The following R3HDM2 variants were observed in gnomAD, a reference collection of about 807,000 sequenced individuals.
R3HDM2 encodes R3H domain containing 2, also known as R3H domain-containing protein 2.
A neutral mutation model predicts 124.5 loss-of-function variants in R3HDM2; 38 were observed. The observed-to-expected ratio is 0.31, with a 90% CI of 0.24 to 0.40. The LOEUF (loss-of-function observed/expected upper bound fraction) is 0.40. Ranked by LOEUF, R3HDM2 falls within the 10% of genes least tolerant of loss-of-function variation. The pLI is 1.00. For missense variants in R3HDM2, 869 were observed against 1,236.9 expected (o/e 0.70, Z 4.46); for synonymous variants, 391 against 448.0 (o/e 0.87, Z 1.61).
At chr12:57,261,977 A>T (rs1473774269) in intron 19 of R3HDM2, among the ~76,000 whole-genome samples, 1 of 152,162 alleles carries the variant, frequency 6.6e-6, no homozygotes, top group Non-Finnish European at 1.5e-5. Context: ...GGCACAGCAA[A>T]CCGCATAAAT....
intron 2 of R3HDM2, among the ~76,000 whole-genome samples, chr12:57,387,738 A>G (rs2066054218): frequency 6.6e-6 from 1 of 152,206 alleles, no homozygotes; most frequent in Admixed American, 6.5e-5. Context: ...TTGGAAAGAA[A>G]AAGTTCTGTT....
At chr12:57,389,345 T>G (rs1270951519) in intron 2 of R3HDM2, among the ~76,000 whole-genome samples, 1 of 152,196 alleles carries the variant, frequency 6.6e-6, no homozygotes, top group African/African-American at 2.4e-5. Context: ...AAAACTCTAC[T>G]GGTAAGACGA....
intron 1 of R3HDM2, among the ~76,000 whole-genome samples, chr12:57,429,798 AC>A (rs1869254474): frequency 6.6e-6 from 1 of 152,106 alleles, no homozygotes. Flanking sequence ...TGGAACAACA[AC>A]AAAAAAAAGC....
rs150877114 is a variant in R3HDM2, at chr12:57,407,029, G to A, written c.-105-11211C>T. Among the ~76,000 whole-genome samples the A allele has an allele frequency of 8.2e-3, 1,254 of 152,100 alleles. 16 individuals are homozygous for A. The highest frequency in any genetic ancestry group is 0.028 in the African/African-American group (1,168 of 41,492). The stretch of plus-strand genomic sequence containing the variant: ...TTTGAGAGGCCAAGGCGGGCGGATT[G>A]CTTGCGGTCAGAATTTCGAGACCAG... On this transcript the variant is annotated intron_variant, in intron 1 of 23. Coordinates refer to ENST00000402412, the MANE Select transcript of R3HDM2 (RefSeq NM_001394031.1).
chr12:57,275,831 C>CA (rs2044565057), intron 14 of R3HDM2, among the ~76,000 whole-genome samples: 1 of 152,156 alleles, frequency 6.6e-6, no homozygotes, highest in African/African-American at 2.4e-5. Context: ...CAGATGTTGG[C>CA]ATGGATGCAG....
chr12:57,267,732 C>G (rs975920609), intron 18 of R3HDM2, among the ~76,000 whole-genome samples: 4 of 152,164 alleles, frequency 2.6e-5, no homozygotes, highest in African/African-American at 9.7e-5. Context: ...AGTTCTTGTT[C>G]CACCTCTGCC....
At chr12:57,367,410 G>C (rs962665186) in intron 2 of R3HDM2, among the ~76,000 whole-genome samples, 2 of 152,186 alleles carry the variant, frequency 1.3e-5, no homozygotes, top group South Asian at 4.1e-4. Flanking sequence ...AGTGGCTACT[G>C]TATTACACAG....
chr12:57,421,115 T>C (rs919394458), intron 1 of R3HDM2, among the ~76,000 whole-genome samples: 1 of 151,690 alleles, frequency 6.6e-6, no homozygotes, highest in Non-Finnish European at 1.5e-5. Flanking sequence ...TCTTGCTCTG[T>C]AGCTTTGTCA....
At chr12:57,297,666 A>G in intron 7 of R3HDM2, 1 of 378,534 alleles carries the variant, frequency 2.6e-6, no homozygotes, top group Admixed American at 4.2e-5. Context: ...TATTCATATA[A>G]ACACACGTTA....
intron 2 of R3HDM2, among the ~76,000 whole-genome samples, chr12:57,346,620 A>G (rs1334718090): frequency 1.3e-5 from 2 of 152,238 alleles, no homozygotes; most frequent in Admixed American, 6.5e-5. Context: ...AAGGAAAACT[A>G]AGAGAATTCA....
At chr12:57,383,750 T>C (rs968202005) in intron 2 of R3HDM2, among the ~76,000 whole-genome samples, 1 of 152,088 alleles carries the variant, frequency 6.6e-6, no homozygotes, top group African/African-American at 2.4e-5. Context: ...GTTATACAGC[T>C]CCTCCTAAAC....
intron 12 of R3HDM2, among the ~76,000 whole-genome samples, chr12:57,284,598 A>G (rs1157636220): frequency 6.6e-6 from 1 of 152,220 alleles, no homozygotes; most frequent in African/African-American, 2.4e-5. Flanking sequence ...AGTATAGTGA[A>G]CTAAAGGGGC....
chr12:57,286,892 A>C (rs1035686774), intron 12 of R3HDM2, among the ~76,000 whole-genome samples: 96 of 152,306 alleles, frequency 6.3e-4, no homozygotes, highest in Non-Finnish European at 1.0e-3. Flanking sequence ...GAAATAAAAA[A>C]AAAAGGTCTG....
intron 1 of R3HDM2, among the ~76,000 whole-genome samples, chr12:57,414,559 G>A (rs1011693536): frequency 5.5e-5 from 8 of 146,766 alleles, no homozygotes; most frequent in Non-Finnish European, 7.5e-5. Flanking sequence ...GGCCGGGTGC[G>A]GTGTCTCACG....
At chr12:57,381,428 C>T (rs1316653493) in intron 2 of R3HDM2, among the ~76,000 whole-genome samples, 1 of 151,428 alleles carries the variant, frequency 6.6e-6, no homozygotes, top group Non-Finnish European at 1.5e-5. Flanking sequence ...TAGTGTAATC[C>T]CAGCTACTCG....
chr12:57,363,828 C>G (rs1020164638), intron 2 of R3HDM2, among the ~76,000 whole-genome samples: 5 of 151,800 alleles, frequency 3.3e-5, no homozygotes, highest in Admixed American at 2.6e-4. Context: ...TAGGATCACA[C>G]CACTGTGCTC....
intron 3 of R3HDM2, among the ~76,000 whole-genome samples, chr12:57,306,498 T>C (rs2052609714): frequency 6.6e-6 from 1 of 151,332 alleles, no homozygotes; most frequent in African/African-American, 2.4e-5. Flanking sequence ...AACCTCCGCC[T>C]CCTGGGTTCA....
chr12:57,262,208 G>T (rs1036753342), intron 19 of R3HDM2, among the ~76,000 whole-genome samples: 5 of 152,034 alleles, frequency 3.3e-5, no homozygotes, highest in Admixed American at 6.6e-5. Flanking sequence ...TGGGGGAGTA[G>T]GATATCTTCA....
At chr12:57,371,519 C>G (rs576405233) in intron 2 of R3HDM2, among the ~76,000 whole-genome samples, 27 of 151,978 alleles carry the variant, frequency 1.8e-4, no homozygotes, top group Non-Finnish European at 3.5e-4. Context: ...AGAAATACTC[C>G]CAAACAAAAC....
Sources: gnomAD v4.1 joint callset for allele counts (sites outside exome capture counted in the v4.1 genomes callset) on GRCh38, gnomAD v4.1.1 for gene constraint, MANE v1.5 for transcripts, NCBI Gene and HGNC (gene_info 2026-07-23, HGNC 2026-07-21) for gene names.